The following GNAI1 variants were observed in gnomAD, a reference collection of about 807,000 sequenced individuals.
GNAI1 encodes the protein G protein subunit alpha i1.
GNAI1 carries 11 observed loss-of-function variants against 38.9 expected under a neutral mutation model. That is an observed-to-expected ratio of 0.28 (90% CI 0.18 to 0.47). GNAI1 has a LOEUF of 0.47. Among genes scored for constraint, GNAI1 ranks in the 20% least tolerant of loss-of-function variants. The pLI, the probability that GNAI1 is intolerant of heterozygous loss-of-function variation, is 0.99. For missense variants in GNAI1, 317 were observed against 436.9 expected, an observed-to-expected ratio of 0.73 and a Z score of 2.45; for synonymous variants, 166 against 145.1, an observed-to-expected ratio of 1.14 and a Z score of -1.04.
In GNAI1 at chr7:80,219,415, G is replaced by A. The variant is rs1223280455; in HGVS notation, c.*1922G>A. On this transcript the variant is annotated 3_prime_UTR_variant, in exon 8 of 8. Transcript: ENST00000649796. ...ATTTTTAAAATTTTACAAACCTATT[G>A]GCTAAGTACATTTTGGATTAGAATT... 1.3e-5 allele frequency: 2 copies of A among 152,416 alleles called. No homozygotes were observed. Among genetic ancestry groups the A allele is most frequent in the African/African-American group, 4.8e-5 (2 of 41,416 alleles). The allele number at this position is 152,416 out of a possible 1,614,324, so 9.4% of individuals were successfully genotyped here.
chr7:80,167,613 C>A (rs1157400775), intron 1 of GNAI1, among the ~76,000 whole-genome samples: 1 of 152,046 alleles, frequency 6.6e-6, no homozygotes, highest in African/African-American at 2.4e-5. Flanking sequence ...TAATTTATCC[C>A]GTTTTTCAGT....
At chr7:80,198,001 TA>T (rs906101349) in intron 3 of GNAI1, among the ~76,000 whole-genome samples, 1 of 152,088 alleles carries the variant, frequency 6.6e-6, no homozygotes, top group Non-Finnish European at 1.5e-5. Context: ...CCAGTTATCT[TA>T]AAGCTACATA....
At chr7:80,211,292 C>T (rs933339528) in intron 6 of GNAI1, among the ~76,000 whole-genome samples, 194 bp downstream of exon 6, 1 of 152,174 alleles carries the variant, frequency 6.6e-6, no homozygotes, top group African/African-American at 2.4e-5. Context: ...GAGTCAATCT[C>T]ACCTCAAGCC....
intron 1 of GNAI1, among the ~76,000 whole-genome samples, chr7:80,175,596 C>G (rs1417675767): frequency 6.6e-6 from 1 of 150,698 alleles, no homozygotes; most frequent in Non-Finnish European, 1.5e-5. Context: ...TGTGGCCACC[C>G]TGCATCCAGC....
At chr7:80,162,467 A>T (rs935481733) in intron 1 of GNAI1, among the ~76,000 whole-genome samples, 1 of 152,238 alleles carries the variant, frequency 6.6e-6, no homozygotes, top group African/African-American at 2.4e-5. Context: ...CTCAAACTGA[A>T]GGTACACAGC....
rs1789141894 is a variant in GNAI1 at position 80,225,381 on chromosome 7, TC to T, written c.*7890del. Among the ~76,000 whole-genome samples, 1 of 152,176 alleles carries T rather than the reference TC, an allele frequency of 6.6e-6. No individual in the cohort carries two copies. Among genetic ancestry groups the T allele is most frequent in the Admixed American group, 6.5e-5 (1 of 15,278 alleles). On this transcript the variant is annotated 3_prime_UTR_variant, in exon 8 of 8. Coordinates refer to ENST00000649796, the MANE Select transcript of GNAI1 (RefSeq NM_002069.6). ...TTCAAGATACTGGAAAATTATTAAA[TC>T]CAGTTTACAGACTCATCTCTTTAGT... is the stretch of plus-strand genomic sequence containing the variant.
intron 1 of GNAI1, among the ~76,000 whole-genome samples, chr7:80,135,574 T>G (rs1163738891): frequency 2.1e-5 from 3 of 143,364 alleles, no homozygotes; most frequent in African/African-American, 5.2e-5. Flanking sequence ...GCGGGTCGCG[T>G]GGAAACCCTT....
chr7:80,221,643 T>A lies in GNAI1; in HGVS notation c.*4150T>A, dbSNP rs1554354308. Reference sequence around the variant, plus strand: ...TGTTAGGTTGGAAATTTTCTTTTTTTTTTTTTTTTTTTTTTTTTGGTATGG... The same window carrying A: ...TGTTAGGTTGGAAATTTTCTTTTTTATTTTTTTTTTTTTTTTTTGGTATGG... On this transcript the variant is annotated 3_prime_UTR_variant, in exon 8 of 8. Transcript: ENST00000649796. Among the ~76,000 whole-genome samples the A allele has an allele frequency of 2.4e-3, 328 of 136,072 alleles. 3 individuals are homozygous for A. Among genetic ancestry groups the A allele is most frequent in the Middle Eastern group, 0.023 (6 of 264 alleles). 89.3% of individuals were successfully genotyped at this position (136,072 alleles called of 152,430 possible).
At chr7:80,199,511 A>C in intron 4 of GNAI1, 129 bp downstream of exon 4, 1 of 655,930 alleles carries the variant, frequency 1.5e-6, no homozygotes, top group Non-Finnish European at 2.5e-6. Flanking sequence ...TCAGGATGAC[A>C]ATATTTTAAA....
chr7:80,172,117 C>T (rs551640454), intron 1 of GNAI1, among the ~76,000 whole-genome samples: 2 of 152,162 alleles, frequency 1.3e-5, no homozygotes, highest in African/African-American at 2.4e-5. Context: ...TTAACTTTGA[C>T]TAGATTTCTT....
chr7:80,185,854 C>T (rs956098547), intron 1 of GNAI1, among the ~76,000 whole-genome samples: 2 of 152,114 alleles, frequency 1.3e-5, no homozygotes, highest in African/African-American at 4.8e-5. Flanking sequence ...TTGTAATTTT[C>T]CTCTTAGGAG....
At chr7:80,162,423 A>T (rs954940906) in intron 1 of GNAI1, among the ~76,000 whole-genome samples, 1 of 152,214 alleles carries the variant, frequency 6.6e-6, no homozygotes, top group African/African-American at 2.4e-5. Flanking sequence ...CATTTTATAG[A>T]TGAAGAAACA....
intron 1 of GNAI1, among the ~76,000 whole-genome samples, chr7:80,177,557 C>CTGCA (rs1788209103): frequency 6.6e-6 from 1 of 152,198 alleles, no homozygotes; most frequent in African/African-American, 2.4e-5. Flanking sequence ...TCATAGTTTA[C>CTGCA]TGCAGCCTTT....
chr7:80,185,644 T>A (rs949500545), intron 1 of GNAI1, among the ~76,000 whole-genome samples: 1 of 152,120 alleles, frequency 6.6e-6, no homozygotes, highest in Non-Finnish European at 1.5e-5. Context: ...CGATTAAACT[T>A]CTTTCTCTGC....
chr7:80,219,778 G>GCCACA lies in GNAI1; in HGVS notation c.*2285_*2286insCCACA, dbSNP rs1789039929. ...CTGAACATGCAGGTTGGTTACATAT[G>GCCACA]TATACATGTGCCATGGTGGTTTGCT... On this transcript the variant is annotated 3_prime_UTR_variant, in exon 8 of 8. Transcript: ENST00000649796. Among the ~76,000 whole-genome samples, 2 of 152,222 alleles carry GCCACA rather than the reference G, an allele frequency of 1.3e-5. No homozygotes were observed. The highest frequency in any genetic ancestry group is 2.9e-5 in the Non-Finnish European group (2 of 67,996).
chr7:80,163,335 A>C (rs1008272425), intron 1 of GNAI1, among the ~76,000 whole-genome samples: 10 of 152,168 alleles, frequency 6.6e-5, no homozygotes, highest in Admixed American at 6.5e-4. Flanking sequence ...CTGTTTACCA[A>C]ATGCAGGTGT....
In GNAI1 at chr7:80,135,121, G is replaced by A. The variant is rs534961522; in HGVS notation, c.-40G>A. On this transcript the variant is annotated 5_prime_UTR_variant, in exon 1 of 8. Transcript: ENST00000649796. Reference sequence around the variant, plus strand: ...CCCCTGTGCTTGGAGCCCGCACTCGGGCGCGGAGGGAGCGGCGGCAGGCTC... The same window carrying A: ...CCCCTGTGCTTGGAGCCCGCACTCGAGCGCGGAGGGAGCGGCGGCAGGCTC... The A allele has an allele frequency of 1.5e-6, 2 of 1,375,890 alleles. No individual in the cohort carries two copies. Among genetic ancestry groups the A allele is most frequent in the Admixed American group, 2.3e-5 (1 of 43,014 alleles). The allele number at this position is 1,375,890 out of a possible 1,614,324, so 85.2% of individuals were successfully genotyped here. A position where few individuals can be genotyped will look rare whatever the true frequency, so the allele number is the denominator to read the frequency against.
chr7:80,138,406 T>G (rs976964923), intron 1 of GNAI1, among the ~76,000 whole-genome samples: 1 of 152,162 alleles, frequency 6.6e-6, no homozygotes, highest in Non-Finnish European at 1.5e-5. Flanking sequence ...GGCCAGAGTT[T>G]GGGTTGTTTG....
At position 80,224,828 on chromosome 7, in the gene GNAI1, G is replaced by A. The variant is rs1429462477; in HGVS notation, c.*7335G>A. Among the ~76,000 whole-genome samples, 1 of 152,016 alleles carries A rather than the reference G, an allele frequency of 6.6e-6. No homozygotes were observed. The highest frequency in any genetic ancestry group is 1.5e-5 in the Non-Finnish European group (1 of 67,998). ...GATACACAGAATTTAAAAATTACAT[G>A]TTGAACTGATTTGTGATATATTGGG... On this transcript the variant is annotated 3_prime_UTR_variant, in exon 8 of 8. Coordinates refer to ENST00000649796, the MANE Select transcript of GNAI1 (RefSeq NM_002069.6).
Sources: gnomAD v4.1 joint callset for allele counts (sites outside exome capture counted in the v4.1 genomes callset) on GRCh38, gnomAD v4.1.1 for gene constraint, MANE v1.5 for transcripts, NCBI Gene and HGNC (gene_info 2026-07-23, HGNC 2026-07-21) for gene names.